CCT6A: variants seen among roughly 807,000 people sequenced by gnomAD.
The protein encoded by CCT6A is T-complex protein 1 subunit zeta.
In CCT6A, 6 loss-of-function variants were observed where a neutral mutation model predicts 58.6. The observed-to-expected ratio is 0.10, with a 90% CI of 0.06 to 0.20. The LOEUF is 0.20. Among genes scored for constraint, CCT6A ranks in the 10% least tolerant of loss-of-function variants. The pLI is 1.00. For synonymous variants in CCT6A, 245 were observed against 227.8 expected (o/e 1.08, Z -0.68); for missense variants, 516 against 648.8 (o/e 0.80, Z 2.22).
In CCT6A at chr7:56,051,999, G is replaced by C; in HGVS notation, c.137+14G>C. 6.7e-7 allele frequency: 1 copy of C among 1,484,024 alleles called. No individual in the cohort carries two copies. The highest frequency in any genetic ancestry group is 1.3e-5 in the South Asian group (1 of 78,016). 91.9% of individuals were successfully genotyped at this position (1,484,024 alleles called of 1,614,324 possible). ...CACCATGAAGATGTAAGGCGGGGCTGAACCGGAGGGCCGGGCGGGCACCGC... is the reference window on the plus strand; with the variant it reads ...CACCATGAAGATGTAAGGCGGGGCTCAACCGGAGGGCCGGGCGGGCACCGC... On this transcript the variant is annotated intron_variant, in intron 1 of 13. Transcript: ENST00000275603.
chr7:56,062,650 CTG>C (rs1483957856), intron 12 of CCT6A, 31 bp from the exon 13 acceptor site: 8 of 1,570,218 alleles, frequency 5.1e-6, no homozygotes, highest in African/African-American at 1.4e-5. Context: ...TTCTTACTGA[CTG>C]AACTTATTTT....
At chr7:56,057,658 A>G (rs1794338714) in intron 5 of CCT6A, among the ~76,000 whole-genome samples, 1 of 152,320 alleles carries the variant, frequency 6.6e-6, no homozygotes, top group Non-Finnish European at 1.5e-5. Flanking sequence ...AGGCGGGCGG[A>G]TCACGAGATC....
chr7:56,060,689 C>T lies in CCT6A; in HGVS notation c.1214-118C>T. 6 of 1,301,520 alleles carry T rather than the reference C, an allele frequency of 4.6e-6. No homozygotes were observed. The South Asian group carries it at 7.4e-5, about 16-fold the overall frequency. 80.6% of individuals were successfully genotyped at this position (1,301,520 alleles called of 1,614,324 possible). On this transcript the variant is annotated intron_variant, in intron 10 of 13. Transcript: ENST00000275603. ...CCATTCTCCTATTTGGTATGTTAGT[C>T]ACTTGTATTTTGTCATAGTAAATTT...
At chr7:56,062,657 T>TAA in intron 12 of CCT6A, 26 bp from the exon 13 acceptor site, 2 of 1,597,674 alleles carry the variant, frequency 1.3e-6, no homozygotes. Context: ...TGACTGAACT[T>TAA]ATTTTAAGAT....
intron 4 of CCT6A, among the ~76,000 whole-genome samples, 160 bp from the exon 5 acceptor site, chr7:56,056,151 G>C (rs914073063): frequency 7.9e-5 from 12 of 152,268 alleles, no homozygotes; most frequent in African/African-American, 2.6e-4. Context: ...AATGACTTCA[G>C]CTGTTGCCTT....
At chr7:56,060,215 C>G (rs1383140001) in intron 9 of CCT6A, 54 bp from the exon 10 acceptor site, 7 of 1,515,562 alleles carry the variant, frequency 4.6e-6, no homozygotes, top group Admixed American at 1.7e-5. Context: ...TCCCTCTTCT[C>G]TCTTCACTCT....
chr7:56,059,977 C>T (rs1794398899), intron 9 of CCT6A: 4 of 446,846 alleles, frequency 9.0e-6, no homozygotes, highest in East Asian at 4.1e-5. Context: ...GCTGAGATTA[C>T]AGGCATGAGC....
chr7:56,058,029 G>T lies in CCT6A; in HGVS notation c.651G>T (p.Arg217=). 5 of 1,612,560 alleles carry T rather than the reference G, an allele frequency of 3.1e-6. No homozygotes were observed. The highest frequency in any genetic ancestry group is 1.1e-5 in the South Asian group (1 of 91,040). The stretch of plus-strand genomic sequence containing the variant: ...GGCTTGTTTTGGACCACGGAGCACG[G>T]CATCCTGATATGAAGAAAAGGGTGG... The part of the protein sequence containing the change: ...IRGLVLDHGA[R]HPDMKKRVED... Residue 217 remains arginine, a synonymous_variant, in exon 6 of 14, where the codon CGG becomes CGT. Coordinates refer to ENST00000275603, the MANE Select transcript of CCT6A (RefSeq NM_001762.4).
chr7:56,059,735 C>T, intron 9 of CCT6A, 95 bp downstream of exon 9: 2 of 675,544 alleles, frequency 3.0e-6, no homozygotes, highest in Middle Eastern at 6.8e-4. Context: ...CCTGCCCGGG[C>T]TGGAGTGCAG....
intron 6 of CCT6A, 61 bp downstream of exon 6, chr7:56,058,164 T>C: frequency 9.1e-7 from 1 of 1,098,456 alleles, no homozygotes; most frequent in Non-Finnish European, 1.4e-6. Context: ...CGAGTTACTT[T>C]TTTGTGAAAC....
At chr7:56,056,612 C>T (rs1794311725) in intron 5 of CCT6A, among the ~76,000 whole-genome samples, 198 bp downstream of exon 5, 1 of 151,720 alleles carries the variant, frequency 6.6e-6, no homozygotes, top group Non-Finnish European at 1.5e-5. Flanking sequence ...ATCCCAGCTA[C>T]TCGGGAGGCT....
intron 1 of CCT6A, 116 bp from the exon 2 acceptor site, chr7:56,052,306 C>G (rs1794135411): frequency 3.4e-6 from 3 of 887,206 alleles, no homozygotes; most frequent in Admixed American, 3.8e-5. Context: ...TCCTGCTGGA[C>G]ATAACTAGCC....
At chr7:56,060,119 T>G (rs981935688) in intron 9 of CCT6A, 150 bp from the exon 10 acceptor site, 1 of 634,304 alleles carries the variant, frequency 1.6e-6, no homozygotes, top group African/African-American at 1.8e-5. Context: ...CACATTTCTT[T>G]TATGTGATTT....
chr7:56,052,403 A>C lies in CCT6A; in HGVS notation c.138-19A>C, dbSNP rs1401960523. On this transcript the variant is annotated intron_variant, in intron 1 of 13. Transcript: ENST00000275603. ...CGTTGAAAAAGTCATAGTCTGGTTC[A>C]TTTCTGTCCTTTAAACAGGCTCGTT... 8.7e-6 allele frequency: 14 copies of C among 1,611,566 alleles called. No individual in the cohort carries two copies. The highest frequency in any genetic ancestry group is 1.2e-5 in the Non-Finnish European group (14 of 1,177,702).
rs763617727 is a variant in CCT6A at position 56,063,417 on chromosome 7, A to G, written c.*332A>G. Reference sequence around the variant, plus strand: ...CTTGAAAAGCAAATTTTAATGGTTTAATTTTATGTGGACGTATGTTAAATT... The same window carrying G: ...CTTGAAAAGCAAATTTTAATGGTTTGATTTTATGTGGACGTATGTTAAATT... On this transcript the variant is annotated 3_prime_UTR_variant, in exon 14 of 14. Coordinates refer to ENST00000275603, the MANE Select transcript of CCT6A (RefSeq NM_001762.4). The G allele has an allele frequency of 1.2e-4, 34 of 272,744 alleles. No individual in the cohort carries two copies. The highest frequency in any genetic ancestry group is 2.0e-4 in the Admixed American group (4 of 20,092). 16.9% of individuals were successfully genotyped at this position (272,744 alleles called of 1,614,324 possible).
rs1197405172 is a variant in CCT6A, at chr7:56,061,844, A to G, written c.1445A>G (p.Asn482Ser). 10 of 1,561,692 alleles carry G rather than the reference A, an allele frequency of 6.4e-6. No homozygotes were observed. The highest frequency in any genetic ancestry group is 8.8e-6 in the Non-Finnish European group (10 of 1,142,090). ...GGTCAGCTTGTGGGTGTGGACCTGAACACAGGTAAGAGAATGCAACTGTTG... is the reference window on the plus strand; with the variant it reads ...GGTCAGCTTGTGGGTGTGGACCTGAGCACAGGTAAGAGAATGCAACTGTTG... ...ESGQLVGVDL[N>S]TGEPMVAAEV... Residue 482 changes from asparagine to serine, a missense_variant, in exon 12 of 14, where the codon AAC becomes AGC. Asn to Ser is a conservative substitution (Grantham distance 46). This residue lies in a region of CCT6A where 315 missense variants were observed against 389.4 expected (regional missense o/e 0.81). Coordinates refer to ENST00000275603, the MANE Select transcript of CCT6A (RefSeq NM_001762.4).
chr7:56,060,969 C>A, intron 11 of CCT6A, 29 bp downstream of exon 11: 1 of 1,570,396 alleles, frequency 6.4e-7, no homozygotes, highest in South Asian at 1.2e-5. Context: ...GTCAATCTTC[C>A]AAAAGATTCA....
intron 12 of CCT6A, 36 bp downstream of exon 12, chr7:56,061,885 A>G: frequency 8.6e-7 from 1 of 1,167,492 alleles, no homozygotes; most frequent in Non-Finnish European, 1.2e-6. Context: ...GGAAAACTAG[A>G]TGTAATACGT....
At position 56,060,478 on chromosome 7, in the gene CCT6A, G is replaced by A. The variant is rs150964208; in HGVS notation, c.1213+62G>A. On this transcript the variant is annotated intron_variant, in intron 10 of 13. Transcript: ENST00000275603. ...TTTTGCTGGTCTGAAAGGCATGGCC[G>A]AATACTGTGTTTTTATCAGTAGTTT... The A allele has an allele frequency of 1.0e-3, 1,574 of 1,532,524 alleles. 20 individuals are homozygous for A. The African/African-American group carries it at 0.019, about 18-fold the overall frequency. 94.9% of individuals were successfully genotyped at this position (1,532,524 alleles called of 1,614,324 possible). A position where few individuals can be genotyped will look rare whatever the true frequency, so the allele number is the denominator to read the frequency against.
Sources: gnomAD v4.1 joint callset for allele counts (sites outside exome capture counted in the v4.1 genomes callset) on GRCh38, gnomAD v4.1.1 for gene constraint, gnomAD v4.1.1 regional missense constraint, MANE v1.5 for transcripts, NCBI Gene and HGNC (gene_info 2026-07-23, HGNC 2026-07-21) for gene names.